Variants in CACHD1 observed in about 807,000 individuals in gnomAD.
CACHD1 encodes cache domain containing 1, also known as VWFA and cache domain-containing protein 1.
A neutral mutation model predicts 138.7 loss-of-function variants in CACHD1; 71 were observed. That is an observed-to-expected ratio of 0.51 (90% CI 0.42 to 0.62). The LOEUF is 0.62. Among genes scored for constraint, CACHD1 ranks in the 20% least tolerant of loss-of-function variants. CACHD1 has a pLI of 0.00. For synonymous variants in CACHD1, 578 were observed against 591.5 expected, an observed-to-expected ratio of 0.98 and a Z score of 0.33; for missense variants, 1,389 against 1,625.3, an observed-to-expected ratio of 0.85 and a Z score of 2.50.
At chr1:64,611,741 GT>G (rs1647540316) in intron 4 of CACHD1, among the ~76,000 whole-genome samples, 1 of 152,136 alleles carries the variant, frequency 6.6e-6, no homozygotes, top group Admixed American at 6.5e-5. Context: ...TCATCTTCCT[GT>G]TTTCTTCAGA....
At chr1:64,615,477 T>G (rs1647678363) in intron 4 of CACHD1, among the ~76,000 whole-genome samples, 1 of 152,192 alleles carries the variant, frequency 6.6e-6, no homozygotes, top group Non-Finnish European at 1.5e-5. Context: ...AGATTTTTGA[T>G]TTTTTAAGTG....
At position 64,675,555 on chromosome 1, in the gene CACHD1, G is replaced by A; in HGVS notation, c.2882G>A (p.Cys961Tyr). The A allele has an allele frequency of 6.2e-7, 1 of 1,606,354 alleles. No individual in the cohort carries two copies. Among genetic ancestry groups the A allele is most frequent in the Non-Finnish European group, 8.5e-7 (1 of 1,173,482 alleles). The change falls in exon 20 of 27, where the codon TGT (cysteine) becomes TAT (tyrosine). Residue 961 changes from cysteine (C) to tyrosine (Y), a missense_variant. By Grantham distance (194) the Cys-to-Tyr change is radical. Around this residue, in one of 5 missense-constraint regions of CACHD1, gnomAD observed 50 missense variants for 108.2 expected, o/e 0.46. Transcript: ENST00000651257. ...ATGGTGGACCGACTCTGTCTCAACT[G>A]TCACCGGTAAAAATGCAATGGGTCA... ...CSMVDRLCLN[C>Y]HRMEQNECEC...
intron 2 of CACHD1, among the ~76,000 whole-genome samples, chr1:64,558,772 C>T (rs918353419): frequency 8.5e-5 from 13 of 152,120 alleles, no homozygotes; most frequent in African/African-American, 3.1e-4. Flanking sequence ...TAACATCTAG[C>T]ATCTATAAGG....
chr1:64,674,928 T>C (rs1272645326), intron 19 of CACHD1, among the ~76,000 whole-genome samples: 1 of 152,182 alleles, frequency 6.6e-6, no homozygotes, highest in Non-Finnish European at 1.5e-5. Context: ...GCCTGTTAGG[T>C]TTGATTTTTA....
chr1:64,516,200 T>G (rs1465855443), intron 1 of CACHD1, among the ~76,000 whole-genome samples: 1 of 152,200 alleles, frequency 6.6e-6, no homozygotes, highest in African/African-American at 2.4e-5. Flanking sequence ...AATATACCTG[T>G]CCGTTTAACA....
chr1:64,602,759 T>A (rs752641787), intron 3 of CACHD1, 47 bp from the exon 4 acceptor site: 1 of 1,336,350 alleles, frequency 7.5e-7, no homozygotes, highest in South Asian at 1.2e-5. Context: ...TGTTGGTTGG[T>A]TTTTCTGGCC....
rs144624479 is a variant in CACHD1, at chr1:64,586,138, A to C, written c.410+3834A>C. On this transcript the variant is annotated intron_variant, in intron 3 of 26. Coordinates refer to ENST00000651257, the MANE Select transcript of CACHD1 (RefSeq NM_020925.4). Reference sequence around the variant, plus strand: ...GAGTGTGATGGCACCGTCTCGGCTCACTTCAGCCTCCATCTACCAGGCTCA... The same window carrying C: ...GAGTGTGATGGCACCGTCTCGGCTCCCTTCAGCCTCCATCTACCAGGCTCA... Among the ~76,000 whole-genome samples the C allele has an allele frequency of 5.3e-3, 809 of 152,176 alleles. 7 individuals carry two copies. Among genetic ancestry groups the C allele is most frequent in the African/African-American group, 0.019 (776 of 41,514 alleles).
At chr1:64,506,388 C>G (rs1412278208) in intron 1 of CACHD1, 2 of 152,220 alleles carry the variant, frequency 1.3e-5, no homozygotes, top group African/African-American at 4.8e-5. Flanking sequence ...TCCTCACAAC[C>G]ACACTCAACG....
chr1:64,486,864 G>A (rs1646246274), intron 1 of CACHD1, among the ~76,000 whole-genome samples: 1 of 152,182 alleles, frequency 6.6e-6, no homozygotes, highest in Non-Finnish European at 1.5e-5. Context: ...TACATGTAAT[G>A]TTGGACCCTG....
chr1:64,599,265 A>G (rs1380134862), intron 3 of CACHD1, among the ~76,000 whole-genome samples: 1 of 152,230 alleles, frequency 6.6e-6, no homozygotes, highest in Non-Finnish European at 1.5e-5. Context: ...AATCTTAAAA[A>G]AAATCTATAT....
chr1:64,654,838 TACA>T (rs751152368), intron 12 of CACHD1, 35 bp downstream of exon 12: 1 of 1,431,266 alleles, frequency 7.0e-7, no homozygotes. Flanking sequence ...CTTGAAGAGC[TACA>T]GGGTACAGTG....
intron 1 of CACHD1, among the ~76,000 whole-genome samples, chr1:64,478,610 G>A (rs1646190328): frequency 6.6e-6 from 1 of 152,146 alleles, no homozygotes; most frequent in East Asian, 1.9e-4. Flanking sequence ...CTCCCCCTAA[G>A]ACCCCAGAGC....
intron 23 of CACHD1, 31 bp from the exon 24 acceptor site, chr1:64,679,564 C>A (rs1450328949): frequency 3.7e-6 from 6 of 1,610,804 alleles, no homozygotes; most frequent in Admixed American, 1.7e-5. Context: ...GAAATCTTAA[C>A]AAGAAACATC....
At chr1:64,574,645 G>A (rs1646953383) in intron 2 of CACHD1, among the ~76,000 whole-genome samples, 1 of 152,200 alleles carries the variant, frequency 6.6e-6, no homozygotes, top group African/African-American at 2.4e-5. Flanking sequence ...AATAGTAATA[G>A]TAAACAGCCA....
At chr1:64,620,566 C>T (rs1451443429) in intron 4 of CACHD1, among the ~76,000 whole-genome samples, 2 of 152,102 alleles carry the variant, frequency 1.3e-5, no homozygotes, top group African/African-American at 2.4e-5. Flanking sequence ...TTCATGCCAG[C>T]GATGTTTGCC....
At chr1:64,625,452 C>T (rs1479904696) in intron 4 of CACHD1, among the ~76,000 whole-genome samples, 1 of 152,030 alleles carries the variant, frequency 6.6e-6, no homozygotes, top group Non-Finnish European at 1.5e-5. Context: ...CATGGTGAAA[C>T]CCCATCTCTA....
intron 2 of CACHD1, among the ~76,000 whole-genome samples, chr1:64,570,280 A>T (rs1646915725): frequency 6.6e-6 from 1 of 152,224 alleles, no homozygotes; most frequent in Admixed American, 6.5e-5. Flanking sequence ...GGACCCATGA[A>T]ATAACATGTG....
chr1:64,687,027 A>G (rs2100749242), intron 26 of CACHD1, among the ~76,000 whole-genome samples: 1 of 152,336 alleles, frequency 6.6e-6, no homozygotes, highest in East Asian at 1.9e-4. Context: ...GTCAAAGAAC[A>G]AAAACCTAAT....
chr1:64,547,101 T>A (rs577675682), intron 1 of CACHD1, among the ~76,000 whole-genome samples: 42 of 152,330 alleles, frequency 2.8e-4, no homozygotes, highest in Middle Eastern at 3.4e-3. Context: ...ATATATTTTC[T>A]ACCTTTGGAA....
Sources: gnomAD v4.1 joint callset for allele counts (sites outside exome capture counted in the v4.1 genomes callset) on GRCh38, gnomAD v4.1.1 for gene constraint, gnomAD v4.1.1 regional missense constraint, MANE v1.5 for transcripts, NCBI Gene and HGNC (gene_info 2026-07-23, HGNC 2026-07-21) for gene names.